The following TRAPPC12 variants were observed in gnomAD, a reference collection of about 807,000 sequenced individuals.
TRAPPC12 encodes the protein trafficking protein particle complex subunit 12.
TRAPPC12 carries 61 observed loss-of-function variants against 69.2 expected under a neutral mutation model. The ratio of observed to expected loss-of-function variants is 0.88; its 90% confidence interval spans 0.72 to 1.09. The LOEUF (loss-of-function observed/expected upper bound fraction) is 1.09. TRAPPC12 is among the 50% of genes least tolerant of loss of function. TRAPPC12 has a pLI of 0.00. For missense variants in TRAPPC12, 1,101 were observed against 1,016.4 expected (o/e 1.08, Z -1.13); for synonymous variants, 469 against 438.9 (o/e 1.07, Z -0.86).
At chr2:3,381,218 C>T (rs983022009) in intron 1 of TRAPPC12, among the ~76,000 whole-genome samples, 1 of 152,128 alleles carries the variant, frequency 6.6e-6, no homozygotes, top group Non-Finnish European at 1.5e-5. Flanking sequence ...GTGTTCATTA[C>T]ATGGAGACTT....
chr2:3,383,030 T>C (rs910244333), intron 1 of TRAPPC12, among the ~76,000 whole-genome samples: 2 of 152,248 alleles, frequency 1.3e-5, no homozygotes, highest in Admixed American at 6.5e-5. Context: ...AGTGATAAGA[T>C]AATGTGCTTT....
intron 1 of TRAPPC12, among the ~76,000 whole-genome samples, chr2:3,383,107 C>T (rs1312250653): frequency 2.6e-5 from 4 of 152,012 alleles, no homozygotes; most frequent in African/African-American, 9.7e-5. Flanking sequence ...CCTCTTTCAG[C>T]TCTGTTGCTT....
chr2:3,425,179 GGA>G (rs1663034076), intron 5 of TRAPPC12, among the ~76,000 whole-genome samples: 1 of 152,228 alleles, frequency 6.6e-6, no homozygotes, highest in Non-Finnish European at 1.5e-5. Context: ...GGTAGTTCTA[GGA>G]GAGTGACAAG....
chr2:3,390,345 G>A (rs569040526), intron 2 of TRAPPC12, among the ~76,000 whole-genome samples: 9 of 152,288 alleles, frequency 5.9e-5, no homozygotes, highest in East Asian at 1.9e-4. Flanking sequence ...TTTAAAATGC[G>A]TATCAAATGT....
intron 3 of TRAPPC12, among the ~76,000 whole-genome samples, chr2:3,420,885 A>C (rs1183477183): frequency 6.6e-6 from 1 of 152,162 alleles, no homozygotes; most frequent in Non-Finnish European, 1.5e-5. Context: ...TAAACTCCTA[A>C]ACTTCTTGTC....
chr2:3,408,908 TCC>T (rs1282953589), intron 3 of TRAPPC12, among the ~76,000 whole-genome samples: 1 of 152,162 alleles, frequency 6.6e-6, no homozygotes, highest in Admixed American at 6.5e-5. Context: ...GCCCTGGATA[TCC>T]CACACGTGCA....
chr2:3,381,764 C>G (rs1004174271), intron 1 of TRAPPC12, among the ~76,000 whole-genome samples: 1 of 152,196 alleles, frequency 6.6e-6, no homozygotes, highest in Non-Finnish European at 1.5e-5. Flanking sequence ...TTGAAACTTC[C>G]GTGTGTCCCT....
intron 8 of TRAPPC12, 114 bp from the exon 9 acceptor site, chr2:3,465,483 C>A: frequency 2.8e-6 from 2 of 718,714 alleles, no homozygotes; most frequent in Non-Finnish European, 4.8e-6. Context: ...CCAGCTCCTG[C>A]GTCAGCGTGT....
chr2:3,443,912 T>C, intron 6 of TRAPPC12, 21 bp downstream of exon 6: 1 of 1,572,358 alleles, frequency 6.4e-7, no homozygotes, highest in South Asian at 1.1e-5. Flanking sequence ...CTGTCATTCT[T>C]CCCTGCCACG....
At chr2:3,394,703 A>C (rs764122506) in intron 2 of TRAPPC12, among the ~76,000 whole-genome samples, 1 of 152,130 alleles carries the variant, frequency 6.6e-6, no homozygotes, top group Non-Finnish European at 1.5e-5. Flanking sequence ...CAGCACCAAA[A>C]GTCTTGAATC....
At position 3,465,665 on chromosome 2, in the gene TRAPPC12, G is replaced by C; in HGVS notation, c.1746G>C (p.Leu582=). The C allele has an allele frequency of 1.2e-6, 2 of 1,614,162 alleles. No individual in the cohort carries two copies. Among genetic ancestry groups the C allele is most frequent in the Non-Finnish European group, 8.5e-7 (1 of 1,179,986 alleles). Residue 582 remains leucine (L), a synonymous_variant, in exon 9 of 12, where the codon CTG becomes CTC. Transcript: ENST00000324266. ...ATTACCCAGAGCAAGAGCCCCAGCT[G>C]CTCAGCGGCATCGGCCGGATTTCCC... ...IKYYPEQEPQ[L]LSGIGRISLQ...
intron 3 of TRAPPC12, among the ~76,000 whole-genome samples, chr2:3,408,661 A>G (rs971901518): frequency 2.6e-5 from 4 of 152,110 alleles, no homozygotes; most frequent in Non-Finnish European, 5.9e-5. Flanking sequence ...TAATAACAAT[A>G]AAGTACATGC....
At chr2:3,447,685 T>C (rs1165876130) in intron 6 of TRAPPC12, among the ~76,000 whole-genome samples, 2 of 151,962 alleles carry the variant, frequency 1.3e-5, no homozygotes, top group Admixed American at 1.3e-4. Context: ...CCAAACTATA[T>C]CATAGTGCAA....
intron 4 of TRAPPC12, 150 bp from the exon 5 acceptor site, chr2:3,424,375 G>A (rs908762477): frequency 1.4e-5 from 9 of 658,414 alleles, no homozygotes; most frequent in South Asian, 4.8e-5. Flanking sequence ...TTTTAAATAC[G>A]ATTGTGTAAA....
chr2:3,379,973 C>T (rs2103407625), intron 1 of TRAPPC12, 97 bp downstream of exon 1: 1 of 152,694 alleles, frequency 6.5e-6, no homozygotes, highest in East Asian at 1.9e-4. Flanking sequence ...CCGGAGGGAC[C>T]TTCTCTGGGA....
chr2:3,462,316 A>G (rs981847758), intron 8 of TRAPPC12, among the ~76,000 whole-genome samples: 2 of 152,216 alleles, frequency 1.3e-5, no homozygotes, highest in African/African-American at 4.8e-5. Flanking sequence ...TACTTTTACA[A>G]TGGACATGAT....
intron 6 of TRAPPC12, among the ~76,000 whole-genome samples, chr2:3,446,056 G>A (rs1395979713): frequency 1.3e-5 from 2 of 152,220 alleles, no homozygotes; most frequent in Non-Finnish European, 2.9e-5. Context: ...TCCTAGGAAC[G>A]TTTCTCTCAG....
Position 3,465,660 on chromosome 2 carries a change from C to T in TRAPPC12, c.1741C>T (p.Gln581Ter). 4 of 1,614,206 alleles carry T rather than the reference C, an allele frequency of 2.5e-6. No individual in the cohort carries two copies. The highest frequency in any genetic ancestry group is 3.4e-6 in the Non-Finnish European group (4 of 1,180,020). ...CAAGTATTACCCAGAGCAAGAGCCC[C>T]AGCTGCTCAGCGGCATCGGCCGGAT... ...VIKYYPEQEP[Q>*]LLSGIGRISL... The change falls in exon 9 of 12, where the codon CAG becomes TAG. Residue 581 changes from glutamine (Q) to a stop codon, truncating the protein, a stop_gained. Transcript: ENST00000324266. LOFTEE classifies it high-confidence loss of function.
intron 7 of TRAPPC12, among the ~76,000 whole-genome samples, chr2:3,459,505 C>T (rs556984074): frequency 1.5e-4 from 23 of 152,156 alleles, no homozygotes; most frequent in Non-Finnish European, 2.8e-4. Context: ...TTGCAGACCC[C>T]AAGAAGGCCA....
Sources: gnomAD v4.1 joint callset for allele counts (sites outside exome capture counted in the v4.1 genomes callset) on GRCh38, gnomAD v4.1.1 for gene constraint, MANE v1.5 for transcripts, NCBI Gene and HGNC (gene_info 2026-07-23, HGNC 2026-07-21) for gene names.